KCNT1: variants seen among roughly 807,000 people sequenced by gnomAD.
KCNT1 encodes potassium channel subfamily T member 1.
Under a neutral mutation model 147.8 loss-of-function variants are expected in KCNT1, and 78 were observed. The ratio of observed to expected loss-of-function variants is 0.53; its 90% CI spans 0.44 to 0.64. The LOEUF (loss-of-function observed/expected upper bound fraction) is 0.64. Ranked by LOEUF, KCNT1 falls within the 30% of genes least tolerant of loss-of-function variation. KCNT1 has a pLI of 0.00. For missense variants in KCNT1, 1,419 were observed against 1,750.3 expected (o/e 0.81, Z 3.38); for synonymous variants, 867 against 748.8 (o/e 1.16, Z -2.58).
chr9:135,785,390 C>A, intron 28 of KCNT1, 60 bp downstream of exon 28: 1 of 1,601,032 alleles, frequency 6.2e-7, no homozygotes, highest in Non-Finnish European at 8.5e-7. Context: ...CGCAGCTTCA[C>A]ATGGAGAAGC....
Position 135,792,320 on chromosome 9 carries a change from G to T in KCNT1, c.*159G>T, listed in dbSNP as rs1339990134. The T allele has an allele frequency of 6.3e-6, 6 of 948,964 alleles. No individual in the cohort carries two copies. The highest frequency in any genetic ancestry group is 1.7e-5 in the African/African-American group (1 of 60,004). 58.8% of individuals were successfully genotyped at this position (948,964 alleles called of 1,614,324 possible). A position where few individuals can be genotyped will look rare whatever the true frequency, so the allele number is the denominator to read the frequency against. ...CACCCTGGAAAGGAGCCCCTCATGCGGGGGGAGGGCCAGCTCACCCCTGGG... is the reference window on the plus strand; with the variant it reads ...CACCCTGGAAAGGAGCCCCTCATGCTGGGGGAGGGCCAGCTCACCCCTGGG... On this transcript the variant is annotated 3_prime_UTR_variant, in exon 31 of 31. Coordinates refer to ENST00000371757, the MANE Select transcript of KCNT1 (RefSeq NM_020822.3).
intron 2 of KCNT1, among the ~76,000 whole-genome samples, chr9:135,723,610 A>C (rs1200405498): frequency 2.0e-5 from 3 of 152,158 alleles, no homozygotes; most frequent in Non-Finnish European, 4.4e-5. Flanking sequence ...TGCTGCCTCC[A>C]GAGGGACCCT....
chr9:135,750,101 C>T lies in KCNT1; in HGVS notation c.258C>T (p.Val86=), dbSNP rs1388985572. 2.5e-6 allele frequency: 4 copies of T among 1,613,518 alleles called. No individual in the cohort carries two copies. The highest frequency in any genetic ancestry group is 1.1e-5 in the South Asian group (1 of 91,072). ...GDPSFQNDDR[V]QVEFYVNENT... is the part of the protein sequence containing the mutation. The stretch of plus-strand genomic sequence containing the variant: ...ATGCCCCTCTCTGCTTCTTCAGGGT[C>T]CAGGTGGAGTTCTACGTCAACGAGA... The change falls in exon 3 of 31, where the codon GTC becomes GTT. Residue 86 remains valine (V), a synonymous_variant. Transcript: ENST00000371757.
At chr9:135,733,727 C>G (rs961945377) in intron 2 of KCNT1, among the ~76,000 whole-genome samples, 4 of 148,642 alleles carry the variant, frequency 2.7e-5, no homozygotes, top group Non-Finnish European at 5.9e-5. Context: ...GGCTTCAGAT[C>G]CCACTGCTGA....
At position 135,751,024 on chromosome 9, in the gene KCNT1, G is replaced by T; in HGVS notation, c.417G>T (p.Pro139=). 5 of 1,611,602 alleles carry T rather than the reference G, an allele frequency of 3.1e-6. No individual in the cohort carries two copies. Among genetic ancestry groups the T allele is most frequent in the Non-Finnish European group, 4.2e-6 (5 of 1,179,794 alleles). The change falls in exon 4 of 31, where the codon CCG becomes CCT. Residue 139 remains proline, a synonymous_variant. Transcript: ENST00000371757. ...LYIVRVLLDD[P]ALGIGCWGCP... is the part of the protein sequence containing the mutation. ...TTGTGCGCGTCCTGCTCGATGACCC[G>T]GCCCTGGGCATCGGATGGTGGGCCA...
chr9:135,729,307 T>C (rs10776840), intron 2 of KCNT1, among the ~76,000 whole-genome samples: 76,419 of 152,094 alleles, frequency 0.5, 19,313 homozygotes, highest in Middle Eastern at 0.6. Context: ...TGAGGGCATA[T>C]GCCAAGGAAG....
chr9:135,732,024 AGAGAGAGAGAGAGAGAGG>A (rs1554766182), intron 2 of KCNT1, among the ~76,000 whole-genome samples: 1 of 65,084 alleles, frequency 1.5e-5, no homozygotes, highest in African/African-American at 5.4e-5. Flanking sequence ...AGAGAGAGAG[AGAGAGAGAGAGAGAGAGG>A]GAGTCTCACT....
At chr9:135,769,726 G>A (rs1056558472) in intron 15 of KCNT1, among the ~76,000 whole-genome samples, 1 of 152,180 alleles carries the variant, frequency 6.6e-6, no homozygotes, top group Non-Finnish European at 1.5e-5. Context: ...GCTGAGCTGG[G>A]AGAGAAGCAC....
At chr9:135,746,484 G>A (rs1358630950) in intron 2 of KCNT1, among the ~76,000 whole-genome samples, 1 of 152,246 alleles carries the variant, frequency 6.6e-6, no homozygotes, top group African/African-American at 2.4e-5. Context: ...GTCTGGGGAG[G>A]AACTTGGCTG....
At chr9:135,762,260 G>A (rs1301670789) in intron 11 of KCNT1, among the ~76,000 whole-genome samples, 7 of 152,200 alleles carry the variant, frequency 4.6e-5, no homozygotes, top group South Asian at 2.1e-4. Flanking sequence ...CTTGAGCAAC[G>A]TAGAGAGACT....
intron 2 of KCNT1, among the ~76,000 whole-genome samples, chr9:135,715,737 C>T (rs559738389): frequency 6.6e-6 from 1 of 152,196 alleles, no homozygotes; most frequent in Non-Finnish European, 1.5e-5. Flanking sequence ...TAGAGTCAGT[C>T]CTAGGGACTG....
chr9:135,779,247 ACAGCCATGGGACCCC>A, intron 23 of KCNT1, 97 bp from the exon 24 acceptor site: 1 of 160,156 alleles, frequency 6.2e-6, no homozygotes. Context: ...AGACCCCCCC[ACAGCCATGGGACCCC>A]GCCCTGAGAC....
intron 2 of KCNT1, among the ~76,000 whole-genome samples, chr9:135,741,775 A>G (rs1331927115): frequency 1.3e-5 from 2 of 152,240 alleles, no homozygotes; most frequent in African/African-American, 4.8e-5. Context: ...GCCTCAGAAG[A>G]CTGTGGTCCT....
At chr9:135,731,983 TATATATATAGAGAGAGAGAGAGAG>T (rs1355112583) in intron 2 of KCNT1, among the ~76,000 whole-genome samples, 2 of 24,908 alleles carry the variant, frequency 8.0e-5, no homozygotes, top group Admixed American at 5.1e-4. Flanking sequence ...TATATATATA[TATATATATAGAGAGAGAGAGAGAG>T]AGAGAGAGAG....
At chr9:135,788,130 T>C in intron 29 of KCNT1, 1 of 1,612,852 alleles carries the variant, frequency 6.2e-7, no homozygotes, top group Non-Finnish European at 8.5e-7. Context: ...GCCAGTGATG[T>C]CATGAATCGG....
intron 2 of KCNT1, among the ~76,000 whole-genome samples, chr9:135,733,754 GGTCTCAGACTGACA>G (rs1830224077): frequency 6.7e-6 from 1 of 148,790 alleles, no homozygotes. Flanking sequence ...GACCCAGATG[GGTCTCAGACTGACA>G]GTCTCAGACT....
chr9:135,732,021 G>C (rs1316806247), intron 2 of KCNT1, among the ~76,000 whole-genome samples: 1 of 131,578 alleles, frequency 7.6e-6, no homozygotes, highest in Non-Finnish European at 1.6e-5. Context: ...GAGAGAGAGA[G>C]AGAGAGAGAG....
At position 135,742,737 on chromosome 9, in the gene KCNT1, C is replaced by G. The variant is rs36105557; in HGVS notation, c.255-7361C>G. 0.13 allele frequency: 95,610 copies of G among 717,216 alleles called. 7,401 individuals carry two copies. Among genetic ancestry groups the G allele is most frequent in the South Asian group, 0.15 (10,436 of 67,582 alleles). 44.4% of individuals were successfully genotyped at this position (717,216 alleles called of 1,614,324 possible). The stretch of plus-strand genomic sequence containing the variant: ...GCCTTCTCCATCTGTCCATCTGTCT[C>G]CCGCATTCTGGTTGATGCCCCTCTG... On this transcript the variant is annotated intron_variant, in intron 2 of 30. Coordinates refer to ENST00000371757, the MANE Select transcript of KCNT1 (RefSeq NM_020822.3).
In KCNT1 at chr9:135,779,476, C is replaced by T. The variant is rs1414599279; in HGVS notation, c.2841+6C>T. Reference sequence around the variant, plus strand: ...CTCTTTCCAAACTAGAAAAGGTGAGCAGCCCTGCCCCGTGCCAGCTGCCAC... The same window carrying T: ...CTCTTTCCAAACTAGAAAAGGTGAGTAGCCCTGCCCCGTGCCAGCTGCCAC... On this transcript the variant is annotated splice_donor_region_variant and intron_variant, in intron 24 of 30. Transcript: ENST00000371757. The T allele has an allele frequency of 2.5e-6, 4 of 1,591,970 alleles. No individual in the cohort carries two copies. The highest frequency in any genetic ancestry group is 1.7e-6 in the Non-Finnish European group (2 of 1,160,340).
Sources: gnomAD v4.1 joint callset for allele counts (sites outside exome capture counted in the v4.1 genomes callset) on GRCh38, gnomAD v4.1.1 for gene constraint, MANE v1.5 for transcripts, NCBI Gene and HGNC (gene_info 2026-07-23, HGNC 2026-07-21) for gene names.